Variants in SASH1 observed in about 807,000 individuals in gnomAD.
The protein encoded by SASH1 is SAM and SH3 domain-containing protein 1.
A neutral mutation model predicts 125.2 loss-of-function variants in SASH1; 44 were observed. The observed-to-expected ratio is 0.35, with a 90% CI of 0.28 to 0.45. The LOEUF (loss-of-function observed/expected upper bound fraction) is 0.45. Ranked by LOEUF, SASH1 falls within the 20% of genes least tolerant of loss-of-function variation. The probability of loss-of-function intolerance (pLI) is 1.00; values close to 1 mark genes in which losing one functional copy is unlikely to be tolerated. For synonymous variants in SASH1, 639 were observed against 649.1 expected (o/e 0.98, Z 0.24); for missense variants, 1,426 against 1,614.5 (o/e 0.88, Z 2.00).
At chr6:148,444,224 G>A (rs1225516573) in intron 4 of SASH1, among the ~76,000 whole-genome samples, 1 of 152,196 alleles carries the variant, frequency 6.6e-6, no homozygotes, top group East Asian at 1.9e-4. Flanking sequence ...CCTATTCTAA[G>A]GGAGGTATCT....
chr6:148,411,403 A>G lies in SASH1; in HGVS notation c.285+21141A>G, dbSNP rs945500293. ...GACAAGATTTATGGAGTTCAGTCTT[A>G]TGCAATTATATCCAGTCAACATATA... is the stretch of plus-strand genomic sequence containing the variant. On this transcript the variant is annotated intron_variant, in intron 2 of 19. Transcript: ENST00000367467. Among the ~76,000 whole-genome samples, 9 of 152,320 alleles carry G rather than the reference A, an allele frequency of 5.9e-5. No individual in the cohort carries two copies. The East Asian group carries it at 1.5e-3, about 26-fold the overall frequency.
chr6:148,312,853 G>T (rs1368412428), intron 1 of SASH1, among the ~76,000 whole-genome samples: 1 of 152,106 alleles, frequency 6.6e-6, no homozygotes, highest in Admixed American at 6.6e-5. Flanking sequence ...AGGAGGAGAA[G>T]GAGGAGGAGA....
In SASH1 at chr6:148,544,689, C is replaced by T. The variant is rs765382768; in HGVS notation, c.3219C>T (p.His1073=). The change falls in exon 18 of 20, where the codon CAC becomes CAT. Residue 1073 remains histidine, a synonymous_variant. Transcript: ENST00000367467. This position sits in a 1 kb window ranked among gnomAD's most constrained non-coding sequence, Gnocchi z 6.4. ...ELPENTSLQE[H]GVKLGPALTR... ...CCGAGAACACAAGCCTCCAGGAGCA[C>T]GGTGTGAAGCTGGGCCCGGCTTTGA... 2.2e-5 allele frequency: 35 copies of T among 1,612,564 alleles called. No individual in the cohort carries two copies. The highest frequency in any genetic ancestry group is 1.7e-4 in the Admixed American group (10 of 59,836).
intron 2 of SASH1, among the ~76,000 whole-genome samples, chr6:148,406,772 C>G (rs886647799): frequency 7.3e-5 from 11 of 150,262 alleles, no homozygotes; most frequent in Admixed American, 7.2e-4. Flanking sequence ...GAGAATCAGG[C>G]TCTCCAAGGG....
At chr6:148,332,554 T>C (rs1276709090) in intron 1 of SASH1, among the ~76,000 whole-genome samples, 1 of 151,834 alleles carries the variant, frequency 6.6e-6, no homozygotes, top group African/African-American at 2.4e-5. Context: ...TATTTAATCG[T>C]CTGCCCTTTA....
At chr6:148,503,712 T>C (rs1047630139) in intron 8 of SASH1, among the ~76,000 whole-genome samples, 3 of 150,616 alleles carry the variant, frequency 2.0e-5, no homozygotes, top group African/African-American at 7.4e-5. Context: ...ACACTGATAG[T>C]GACTAGAGGA....
intron 8 of SASH1, among the ~76,000 whole-genome samples, chr6:148,502,041 A>G (rs1331631201): frequency 6.6e-6 from 1 of 152,250 alleles, no homozygotes; most frequent in Non-Finnish European, 1.5e-5. Context: ...CCCCAAAGGA[A>G]TGGTAATATT....
At chr6:148,348,759 G>A (rs1016730573) in intron 1 of SASH1, among the ~76,000 whole-genome samples, 1 of 152,204 alleles carries the variant, frequency 6.6e-6, no homozygotes, top group African/African-American at 2.4e-5. Flanking sequence ...ATCTTCTTCA[G>A]ACGTTTATTG....
chr6:148,382,710 C>T (rs1783192862), intron 1 of SASH1, among the ~76,000 whole-genome samples: 1 of 152,106 alleles, frequency 6.6e-6, no homozygotes, highest in South Asian at 2.1e-4. Context: ...GTTTATTCTT[C>T]AGGAGGGGAT....
chr6:148,301,156 G>A (rs536213572), intron 1 of SASH1, among the ~76,000 whole-genome samples: 10 of 151,596 alleles, frequency 6.6e-5, no homozygotes, highest in African/African-American at 2.2e-4. Flanking sequence ...GAGAAACCCT[G>A]TCTCTACTAA....
intron 10 of SASH1, among the ~76,000 whole-genome samples, chr6:148,522,363 T>C (rs1213347164): frequency 2.6e-5 from 4 of 152,266 alleles, no homozygotes; most frequent in African/African-American, 9.6e-5. Context: ...AAAAAGGGAT[T>C]AATCTTATTT....
intron 10 of SASH1, among the ~76,000 whole-genome samples, chr6:148,522,185 C>T (rs1780856820): frequency 6.6e-6 from 1 of 152,162 alleles, no homozygotes; most frequent in South Asian, 2.1e-4. Context: ...GCTTGAGACA[C>T]TAATGGACAG....
chr6:148,387,993 G>A (rs929346253), intron 1 of SASH1, among the ~76,000 whole-genome samples: 2 of 127,420 alleles, frequency 1.6e-5, no homozygotes, highest in Non-Finnish European at 3.1e-5. Flanking sequence ...CTGGCTCACC[G>A]CAACCTCTGA....
At chr6:148,434,492 A>G (rs1229880050) in intron 2 of SASH1, among the ~76,000 whole-genome samples, 1 of 152,206 alleles carries the variant, frequency 6.6e-6, no homozygotes, top group Non-Finnish European at 1.5e-5. Flanking sequence ...CTATGTGCAC[A>G]CATTCATATA....
rs893411270 is a variant in SASH1 at position 148,441,171 on chromosome 6, G to A, written c.386+764G>A. 9.8e-5 allele frequency among the ~76,000 whole-genome samples: 15 copies of A among 152,362 alleles called. No homozygotes were observed. The East Asian group carries it at 2.7e-3, about 27-fold the overall frequency. On this transcript the variant is annotated intron_variant, in intron 4 of 19. Transcript: ENST00000367467. The stretch of plus-strand genomic sequence containing the variant: ...AAACAGACGCTTCCTTTGGCACGGA[G>A]CCACTTGTACGTTCATGCCAAGGGA...
intron 1 of SASH1, among the ~76,000 whole-genome samples, chr6:148,350,593 C>A (rs1205006820): frequency 1.3e-5 from 2 of 152,166 alleles, no homozygotes; most frequent in Non-Finnish European, 2.9e-5. Context: ...TTTAAGAGTG[C>A]TGTGGTGCTA....
chr6:148,342,616 G>A (rs927420798), upstream of SASH1: 1 of 152,158 alleles, frequency 6.6e-6, no homozygotes. Flanking sequence ...GGGTCCCGGG[G>A]AGCTCCCTCC....
intron 2 of SASH1, among the ~76,000 whole-genome samples, chr6:148,405,096 C>CCTT (rs1318853367): frequency 6.6e-6 from 1 of 151,960 alleles, no homozygotes; most frequent in Non-Finnish European, 1.5e-5. Flanking sequence ...GATACTCCTG[C>CCTT]CTTCTGCCTC....
intron 16 of SASH1, among the ~76,000 whole-genome samples, chr6:148,535,970 T>C (rs773587085): frequency 3.3e-5 from 5 of 152,184 alleles, no homozygotes; most frequent in Non-Finnish European, 7.4e-5. Flanking sequence ...TTCTGCTAAA[T>C]AGGCAGTCCC....
Sources: allele counts gnomAD v4.1 joint callset (sites outside exome capture counted in the v4.1 genomes callset), GRCh38; gene constraint gnomAD v4.1.1; non-coding constraint Gnocchi (gnomAD v3.1); transcripts MANE v1.5; gene names NCBI Gene and HGNC (gene_info 2026-07-23, HGNC 2026-07-21).